Variants in NBPF14 observed in about 807,000 individuals in gnomAD.
The protein encoded by NBPF14 is NBPF member 14.
NBPF14 carries 104 observed loss-of-function variants against 91.2 expected under a neutral mutation model. That is an observed-to-expected ratio of 1.14 (90% CI 0.97 to 1.34). The LOEUF (loss-of-function observed/expected upper bound fraction) is 1.34, where lower values mean the gene tolerates loss of function less well. NBPF14 is among the 40% of genes most tolerant of loss of function. The pLI is 0.00. For synonymous variants in NBPF14, 294 were observed against 303.8 expected (o/e 0.97, Z 0.34); for missense variants, 908 against 783.0 (o/e 1.16, Z -1.91).
Position 148,557,780 on chromosome 1 carries a change from A to T in NBPF14, c.4955-238T>A, listed in dbSNP as rs1336169329. Among the ~76,000 whole-genome samples, 12 of 118,702 alleles carry T rather than the reference A, an allele frequency of 1.0e-4. 1 individual carries two copies. Among genetic ancestry groups the T allele is most frequent in the Middle Eastern group, 7.9e-3 (2 of 252 alleles). 77.9% of individuals were successfully genotyped at this position (118,702 alleles called of 152,430 possible). Reference sequence around the variant, plus strand: ...CGTTATCCCAAAATCATTTATCCCAAGTTTGTGCAAACAGTTATGCTTTAT... The same window carrying T: ...CGTTATCCCAAAATCATTTATCCCATGTTTGTGCAAACAGTTATGCTTTAT... On this transcript the variant is annotated intron_variant, in intron 39 of 70. Transcript: ENST00000619423.
intron 49 of NBPF14, among the ~76,000 whole-genome samples, chr1:148,549,971 C>A (rs1383296393): frequency 1.2e-5 from 1 of 82,746 alleles, no homozygotes; most frequent in Non-Finnish European, 2.0e-5. Flanking sequence ...AAGAGAAAAA[C>A]TGCACTATTC....
rs1344812679 is a variant in NBPF14 at position 148,534,671 on chromosome 1, G to A, written c.8614+13C>T. On this transcript the variant is annotated intron_variant, in intron 69 of 70. Coordinates refer to ENST00000619423, the Ensembl canonical transcript of NBPF14. ...CAGGTGGAGGCTTATCACCTTCATA[G>A]TAAGGTACTCACTGTCCACGTCAAG... 5.5e-5 allele frequency: 44 copies of A among 804,024 alleles called. No homozygotes were observed. Among genetic ancestry groups the A allele is most frequent in the Admixed American group, 2.3e-4 (13 of 57,072 alleles). The allele number at this position is 804,024 out of a possible 1,614,324, so 49.8% of individuals were successfully genotyped here.
intron 36 of NBPF14, among the ~76,000 whole-genome samples, chr1:148,560,259 A>T (rs1657581311): frequency 6.7e-6 from 1 of 148,162 alleles, no homozygotes; most frequent in African/African-American, 2.6e-5. Flanking sequence ...GGACACTCTG[A>T]GTTAGTGCCC....
chr1:148,572,827 C>G (rs1209100197), intron 20 of NBPF14, among the ~76,000 whole-genome samples: 1 of 45,008 alleles, frequency 2.2e-5, no homozygotes, highest in Non-Finnish European at 3.9e-5. Context: ...GAGACAGAGA[C>G]AGAGACAGAG....
In NBPF14 at chr1:148,595,504, C is replaced by A. The variant is rs1663178562; in HGVS notation, c.175+39G>T. 4 of 1,389,252 alleles carry A rather than the reference C, an allele frequency of 2.9e-6. No homozygotes were observed. The South Asian group carries it at 3.5e-5, about 12-fold the overall frequency. The allele number at this position is 1,389,252 out of a possible 1,614,324, so 86.1% of individuals were successfully genotyped here. ...GTGTCTCAGAGAGAAGACAGGATAT[C>A]ATTCATCACTTTCATGATGGTGAGC... On this transcript the variant is annotated intron_variant, in intron 2 of 70. Transcript: ENST00000619423.
intron 40 of NBPF14, 139 bp from the exon 41 acceptor site, chr1:148,557,001 C>T (rs1656673560): frequency 4.6e-6 from 1 of 217,162 alleles, no homozygotes; most frequent in Non-Finnish European, 7.0e-6. Flanking sequence ...CACATTATTG[C>T]CTTCATGTTG....
intron 12 of NBPF14, among the ~76,000 whole-genome samples, chr1:148,579,822 T>C (rs1660627425): frequency 6.6e-6 from 1 of 152,104 alleles, no homozygotes; most frequent in Admixed American, 6.6e-5. Flanking sequence ...GGAGTGGACT[T>C]CCAGCAAACT....
intron 36 of NBPF14, among the ~76,000 whole-genome samples, chr1:148,560,204 T>A (rs1258157406): frequency 6.6e-6 from 1 of 151,116 alleles, no homozygotes. Context: ...AGAGAGAAAG[T>A]GACCTAGTGA....
rs1292920260 is a variant in NBPF14, at chr1:148,533,891, CCTT to C, written c.8690_8692del (p.Glu2897del). 32 of 759,540 alleles carry C rather than the reference CCTT, an allele frequency of 4.2e-5. No individual in the cohort carries two copies. In the East Asian group the frequency reaches 4.9e-4, roughly 12 times the overall value. 47.1% of individuals were successfully genotyped at this position (759,540 alleles called of 1,614,324 possible). A position where few individuals can be genotyped will look rare whatever the true frequency, so the allele number is the denominator to read the frequency against. ...GCATGGTGGGTTTTGATCTTCTTCC[CCTT>C]CTTTTCTTCCCCTTCTTCTTTCCTT... is the stretch of plus-strand genomic sequence containing the variant. On this transcript the variant is annotated inframe_deletion, in exon 70 of 71. Transcript: ENST00000619423.
exon 71 of NBPF14, chr1:148,532,120 C>T (rs1553330556): frequency 6.6e-6 from 1 of 152,390 alleles, no homozygotes; most frequent in South Asian, 2.1e-4. Flanking sequence ...TTTTTTTGAA[C>T]CCAAAATATC....
At chr1:148,559,762 A>T in intron 37 of NBPF14, 31 bp downstream of exon 37, 3 of 1,289,412 alleles carry the variant, frequency 2.3e-6, no homozygotes, top group Non-Finnish European at 3.2e-6. Flanking sequence ...GACTCAGTGG[A>T]TCCTTATCAC....
At position 148,593,133 on chromosome 1, in the gene NBPF14, C is replaced by T. The variant is rs1302008385; in HGVS notation, c.279-367G>A. 3.2e-4 allele frequency among the ~76,000 whole-genome samples: 47 copies of T among 147,714 alleles called. 7 individuals carry two copies. Among genetic ancestry groups the T allele is most frequent in the East Asian group, 7.8e-4 (4 of 5,138 alleles). Reference sequence around the variant, plus strand: ...CTTGCGGCCACTACATACAAAGCCACGTACAGAAATGAGGCCAGGTGCAGA... The same window carrying T: ...CTTGCGGCCACTACATACAAAGCCATGTACAGAAATGAGGCCAGGTGCAGA... On this transcript the variant is annotated intron_variant, in intron 3 of 70. Coordinates refer to ENST00000619423, the Ensembl canonical transcript of NBPF14.
At chr1:148,592,900 T>A in intron 3 of NBPF14, 134 bp from the exon 4 acceptor site, 1 of 671,990 alleles carries the variant, frequency 1.5e-6, no homozygotes, top group Non-Finnish European at 2.5e-6. Flanking sequence ...TTGAAAGGAA[T>A]GACTGTGGCC....
intron 39 of NBPF14, 87 bp from the exon 40 acceptor site, chr1:148,557,629 C>A: frequency 1.7e-6 from 1 of 576,282 alleles, no homozygotes; most frequent in Non-Finnish European, 3.0e-6. Flanking sequence ...ACACAGGGAT[C>A]TCAGGCTCCT....
chr1:148,533,807 T>A (rs1315630340), intron 70 of NBPF14, 54 bp downstream of exon 70: 10 of 766,876 alleles, frequency 1.3e-5, no homozygotes, highest in Non-Finnish European at 2.1e-5. Flanking sequence ...TCCCTGAATC[T>A]GTTGCCTCCA....
chr1:148,533,827 A>G, intron 70 of NBPF14, 34 bp downstream of exon 70: 1 of 767,686 alleles, frequency 1.3e-6, no homozygotes, highest in East Asian at 2.4e-5. Context: ...AGGAGTTAAC[A>G]CAGAACTAAG....
rs1315753176 is a variant in NBPF14, at chr1:148,559,830, C to T, written c.4692G>A (p.Leu1564=). 43 of 1,534,816 alleles carry T rather than the reference C, an allele frequency of 2.8e-5. 4 individuals are homozygous for T. Among genetic ancestry groups the T allele is most frequent in the Admixed American group, 2.7e-4 (15 of 56,062 alleles). ...CAGCCAAGCCAACACGCTGCTGCTCCAATATGTAAAAGGCACTTCTATAGG... is the reference window on the plus strand; with the variant it reads ...CAGCCAAGCCAACACGCTGCTGCTCTAATATGTAAAAGGCACTTCTATAGG... Residue 1564 remains leucine, a synonymous_variant, in exon 37 of 71, where the codon TTG becomes TTA. Coordinates refer to ENST00000619423, the Ensembl canonical transcript of NBPF14.
Position 148,566,325 on chromosome 1 carries a change from G to A in NBPF14, c.3543-10C>T, listed in dbSNP as rs1333309492. 7.8e-6 allele frequency: 6 copies of A among 769,862 alleles called. 1 individual carries two copies. The highest frequency in any genetic ancestry group is 4.1e-5 in the African/African-American group (2 of 49,132). 47.7% of individuals were successfully genotyped at this position (769,862 alleles called of 1,614,324 possible). On this transcript the variant is annotated splice_polypyrimidine_tract_variant and intron_variant, in intron 28 of 70. Coordinates refer to ENST00000619423, the Ensembl canonical transcript of NBPF14. ...CAGCTCCCTGCTGAGCCTGGAAAAG[G>A]AGGAAAAGGTAAAGAATAAGCCAGG...
chr1:148,559,483 A>C (rs1366557802), intron 37 of NBPF14, among the ~76,000 whole-genome samples: 1 of 128,370 alleles, frequency 7.8e-6, no homozygotes, highest in South Asian at 2.7e-4. Context: ...GATGAAATCT[A>C]CAAGATCTAC....
Sources: gnomAD v4.1 joint callset for allele counts (sites outside exome capture counted in the v4.1 genomes callset) on GRCh38, gnomAD v4.1.1 for gene constraint, MANE v1.5 for transcripts, NCBI Gene and HGNC (gene_info 2026-07-23, HGNC 2026-07-21) for gene names.